The following CNTROB variants were observed in gnomAD, a reference collection of about 807,000 sequenced individuals.
The protein encoded by CNTROB is centrobin.
Under a neutral mutation model 115.7 loss-of-function variants are expected in CNTROB, and 82 were observed. That is an observed-to-expected ratio of 0.71 (90% CI 0.59 to 0.85). The LOEUF (loss-of-function observed/expected upper bound fraction) is 0.85, where lower values mean the gene tolerates loss of function less well. Among genes scored for constraint, CNTROB ranks in the 40% least tolerant of loss-of-function variants. The pLI is 0.00. For synonymous variants in CNTROB, 439 were observed against 456.4 expected (o/e 0.96, Z 0.49); for missense variants, 1,014 against 1,144.4 (o/e 0.89, Z 1.64).
chr17:7,949,001 A>C lies in CNTROB; in HGVS notation c.2514-84A>C, dbSNP rs1974891013. On this transcript the variant is annotated intron_variant, in intron 17 of 18. Transcript: ENST00000563694. ...GTTTGATCTTATTCTTAAGAGATAG[A>C]ATTGGGGAGTAGTTCTTCCATCCAG... 2.5e-6 allele frequency: 4 copies of C among 1,610,344 alleles called. No individual in the cohort carries two copies. In the South Asian group the frequency reaches 4.4e-5, roughly 18 times the overall value.
chr17:7,949,332 G>C (rs760921282), intron 18 of CNTROB, 53 bp from the exon 19 acceptor site: 1 of 1,608,408 alleles, frequency 6.2e-7, no homozygotes, highest in Non-Finnish European at 8.5e-7. Flanking sequence ...GTGGGGTGGG[G>C]AATTGAGAGG....
chr17:7,937,784 CAGAGTGA>C (rs1973359375), intron 7 of CNTROB, among the ~76,000 whole-genome samples: 2 of 151,944 alleles, frequency 1.3e-5, no homozygotes, highest in Non-Finnish European at 2.9e-5. Context: ...GCCTGGGTGA[CAGAGTGA>C]GACTCCATCT....
chr17:7,933,349 G>T lies in CNTROB; in HGVS notation c.270G>T (p.Lys90Asn). The stretch of plus-strand genomic sequence containing the variant: ...GATTGGAAAAGAACTTGAAGAAAAA[G>T]GTGAGGGAAGTGTGTCTTGGAGACC... The part of the protein sequence containing the change: ...SVGLEKNLKK[K>N]DGSKHIFEME... The change falls in exon 1 of 19, where the codon AAG becomes AAT. Residue 90 changes from lysine to asparagine, a missense_variant and splice_region_variant. By Grantham distance (94) the Lys-to-Asn change is moderately conservative. Transcript: ENST00000563694. The T allele has an allele frequency of 2.5e-6, 4 of 1,611,216 alleles. No individual in the cohort carries two copies. Among genetic ancestry groups the T allele is most frequent in the Middle Eastern group, 1.7e-4 (1 of 5,960 alleles).
intron 5 of CNTROB, 36 bp downstream of exon 5, chr17:7,936,518 T>C (rs1434244499): frequency 1.2e-6 from 1 of 851,702 alleles, no homozygotes; most frequent in South Asian, 1.3e-5. Context: ...GGTCTCTCCA[T>C]GAAGAGCATT....
chr17:7,940,890 G>T (rs1163841692), intron 9 of CNTROB, among the ~76,000 whole-genome samples: 1 of 152,200 alleles, frequency 6.6e-6, no homozygotes, highest in African/African-American at 2.4e-5. Flanking sequence ...AGCTTTGTGG[G>T]TTGTATGGTC....
rs768266396 is a variant in CNTROB at position 7,943,425 on chromosome 17, C to A, written c.1346C>A (p.Ser449Ter). 31 of 1,613,176 alleles carry A rather than the reference C, an allele frequency of 1.9e-5. No homozygotes were observed. In the African/African-American group the frequency reaches 3.7e-4, roughly 19 times the overall value. Residue 449 changes from serine to a stop codon, truncating the protein, a stop_gained, in exon 10 of 19, where the codon TCG becomes TAG. Transcript: ENST00000563694. LOFTEE classifies it high-confidence loss of function. The surrounding 1 kb of genome is among the most constrained non-coding windows in gnomAD (Gnocchi z 4.7). ...GAAAGCCAGCGGATCCAGCTGGAGTCGGAGCTGGCTGTGCAGCTGGAGCAG... is the reference window on the plus strand; with the variant it reads ...GAAAGCCAGCGGATCCAGCTGGAGTAGGAGCTGGCTGTGCAGCTGGAGCAG... ...RYESQRIQLE[S>*]ELAVQLEQRV...
chr17:7,934,314 G>A lies in CNTROB; in HGVS notation c.355+92G>A. On this transcript the variant is annotated intron_variant, in intron 2 of 18. Transcript: ENST00000563694. ...AGAGGAAGCAGGCAGGAAAACCTCTGAGCAAGAGATTTCAGGAGAAAAGTC... is the reference window on the plus strand; with the variant it reads ...AGAGGAAGCAGGCAGGAAAACCTCTAAGCAAGAGATTTCAGGAGAAAAGTC... 9 of 1,400,688 alleles carry A rather than the reference G, an allele frequency of 6.4e-6. No homozygotes were observed. In the South Asian group the frequency reaches 9.2e-5, roughly 14 times the overall value. 86.8% of individuals were successfully genotyped at this position (1,400,688 alleles called of 1,614,324 possible).
At chr17:7,945,666 C>T in intron 12 of CNTROB, 62 bp from the exon 13 acceptor site, 4 of 1,513,956 alleles carry the variant, frequency 2.6e-6, no homozygotes, top group Non-Finnish European at 3.6e-6. Context: ...GTGTTTGTAC[C>T]ATGTCTTATC....
intron 12 of CNTROB, 75 bp from the exon 13 acceptor site, chr17:7,945,653 A>G: frequency 6.9e-7 from 1 of 1,442,214 alleles, no homozygotes; most frequent in Non-Finnish European, 9.4e-7. Context: ...TAATCTTATT[A>G]AAGTGTTTGT....
In CNTROB at chr17:7,940,095, G is replaced by A; in HGVS notation, c.1165-1G>A. 1 of 1,594,934 alleles carries A rather than the reference G, an allele frequency of 6.3e-7. No homozygotes were observed. The highest frequency in any genetic ancestry group is 8.5e-7 in the Non-Finnish European group (1 of 1,171,980). On this transcript the variant is annotated splice_acceptor_variant, in intron 8 of 18. Coordinates refer to ENST00000563694, the MANE Select transcript of CNTROB (RefSeq NM_053051.5). LOFTEE classifies it high-confidence loss of function. ...ATATACATTTGATTTGTCTTTCATAGGAGAAGAGCCAGAGGGAAGCCCAGG... is the reference window on the plus strand; with the variant it reads ...ATATACATTTGATTTGTCTTTCATAAGAGAAGAGCCAGAGGGAAGCCCAGG...
At chr17:7,947,133 C>T (rs868231116) in intron 13 of CNTROB, among the ~76,000 whole-genome samples, 21 of 149,536 alleles carry the variant, frequency 1.4e-4, no homozygotes, top group Middle Eastern at 3.5e-3. Flanking sequence ...TGCACTTCAG[C>T]CTGGGCGACA....
intron 13 of CNTROB, among the ~76,000 whole-genome samples, chr17:7,947,034 A>C (rs1167935792): frequency 1.3e-5 from 2 of 151,912 alleles, no homozygotes. Flanking sequence ...GGTGGCAGGC[A>C]TCTGTAGTCC....
Position 7,940,201 on chromosome 17 carries a change from A to C in CNTROB, c.1270A>C (p.Arg424=). 6.2e-7 allele frequency: 1 copy of C among 1,601,794 alleles called. No homozygotes were observed. Among genetic ancestry groups the C allele is most frequent in the Non-Finnish European group, 8.5e-7 (1 of 1,173,688 alleles). ...GGAAGGAGAGCTGGATACAGCTCGG[A>C]GAGAGAGAGATGCCCTGCAGCTGGA... The part of the protein sequence containing the change: ...RLEGELDTAR[R]ERDALQLEMS... The change falls in exon 9 of 19, where the codon AGA becomes CGA. Residue 424 remains arginine, a synonymous_variant. Transcript: ENST00000563694.
At chr17:7,945,566 G>A in intron 12 of CNTROB, 162 bp from the exon 13 acceptor site, 2 of 717,644 alleles carry the variant, frequency 2.8e-6, no homozygotes, top group South Asian at 1.9e-5. Context: ...TGCCAAGCCT[G>A]GTTCAAACTG....
intron 18 of CNTROB, 71 bp from the exon 19 acceptor site, chr17:7,949,314 T>A: frequency 6.2e-7 from 1 of 1,601,656 alleles, no homozygotes; most frequent in Non-Finnish European, 8.5e-7. Flanking sequence ...TCCACGTGCA[T>A]TTCCTCAGTG....
Position 7,936,792 on chromosome 17 carries a change from AG to A in CNTROB, c.804del (p.Glu268AspfsTer11). 2 of 1,473,734 alleles carry A rather than the reference AG, an allele frequency of 1.4e-6. No homozygotes were observed. The highest frequency in any genetic ancestry group is 1.9e-6 in the Non-Finnish European group (2 of 1,051,608). 91.3% of individuals were successfully genotyped at this position (1,473,734 alleles called of 1,614,324 possible). A position where few individuals can be genotyped will look rare whatever the true frequency, so the allele number is the denominator to read the frequency against. On this transcript the variant is annotated frameshift_variant, in exon 6 of 19. Transcript: ENST00000563694. LOFTEE classifies it high-confidence loss of function. The stretch of plus-strand genomic sequence containing the variant: ...CTTCAAGAGGAACACCAGGCAGCAG[AG>A]CTCACCAGAAGCAAGCAGCAGGAGG... ...RGLQEEHQAA[E>X]LTRSKQQETV... is the part of the protein sequence containing the mutation.
Position 7,933,025 on chromosome 17 carries a change from C to T in CNTROB, c.-55C>T. The T allele has an allele frequency of 6.3e-7, 1 of 1,574,926 alleles. No homozygotes were observed. The highest frequency in any genetic ancestry group is 8.6e-7 in the Non-Finnish European group (1 of 1,161,838). On this transcript the variant is annotated 5_prime_UTR_variant, in exon 1 of 19. Transcript: ENST00000563694. ...CGTGAACTTTTCCTCCTGGACTTTGCTAAAGCAGAACCTCCCAGCTCTTTG... is the reference window on the plus strand; with the variant it reads ...CGTGAACTTTTCCTCCTGGACTTTGTTAAAGCAGAACCTCCCAGCTCTTTG...
chr17:7,934,679 C>T, intron 3 of CNTROB, 133 bp downstream of exon 3: 1 of 816,050 alleles, frequency 1.2e-6, no homozygotes, highest in Non-Finnish European at 2.0e-6. Flanking sequence ...TTTCAGTTTT[C>T]ATCTTTTTCT....
chr17:7,940,348 GT>G, intron 9 of CNTROB, 106 bp downstream of exon 9: 1 of 1,098,502 alleles, frequency 9.1e-7, no homozygotes, highest in Non-Finnish European at 1.3e-6. Flanking sequence ...GGTGTTTGGG[GT>G]TTAATTCCAT....
Sources: allele counts gnomAD v4.1 joint callset (sites outside exome capture counted in the v4.1 genomes callset), GRCh38; gene constraint gnomAD v4.1.1; non-coding constraint Gnocchi (gnomAD v3.1); transcripts MANE v1.5; gene names NCBI Gene and HGNC (gene_info 2026-07-23, HGNC 2026-07-21).